POU2F1: variants seen among roughly 807,000 people sequenced by gnomAD.
The protein encoded by POU2F1 is POU domain, class 2, transcription factor 1.
POU2F1 carries 16 observed loss-of-function variants against 84.9 expected under a neutral mutation model. The observed-to-expected ratio is 0.19, with a 90% CI of 0.13 to 0.29. The LOEUF is 0.29. POU2F1 is among the 10% of genes least tolerant of loss of function. The pLI is 1.00. For missense variants in POU2F1, 738 were observed against 942.6 expected, an observed-to-expected ratio of 0.78 and a Z score of 2.84; for synonymous variants, 368 against 368.3, an observed-to-expected ratio of 1.00 and a Z score of 0.01.
Position 167,287,423 on chromosome 1 carries a change from A to G in POU2F1, c.62-45047A>G, listed in dbSNP as rs143178638. ...CTCCAGATTAAAGTTTTCCAATATT[A>G]GCCTGTAACCCAAAATGACAGAACC... On this transcript the variant is annotated intron_variant, in intron 1 of 15. Transcript: ENST00000367866. Among the ~76,000 whole-genome samples, 32 of 152,356 alleles carry G rather than the reference A, an allele frequency of 2.1e-4. No homozygotes were observed. In the East Asian group the frequency reaches 5.2e-3, roughly 25 times the overall value.
intron 1 of POU2F1, among the ~76,000 whole-genome samples, chr1:167,266,253 CT>C (rs1386013160): frequency 6.6e-6 from 1 of 152,172 alleles, no homozygotes. Context: ...GGAGCATACC[CT>C]TTAAATCTCC....
intron 1 of POU2F1, among the ~76,000 whole-genome samples, chr1:167,279,426 C>T (rs927271835): frequency 5.3e-5 from 8 of 152,268 alleles, no homozygotes; most frequent in Non-Finnish European, 8.8e-5. Context: ...GACCTACCCT[C>T]GCAATCCAGA....
intron 1 of POU2F1, among the ~76,000 whole-genome samples, chr1:167,320,489 G>A (rs1416099432): frequency 1.3e-5 from 2 of 152,224 alleles, no homozygotes; most frequent in African/African-American, 4.8e-5. Flanking sequence ...TCAGCTAAGT[G>A]AGTTTGCCAA....
At chr1:167,334,151 CTTTTTTTTT>C (rs57242474) in intron 2 of POU2F1, among the ~76,000 whole-genome samples, 912 of 66,846 alleles carry the variant, frequency 0.014, 6 homozygotes, top group South Asian at 0.028. Context: ...AACTACAACA[CTTTTTTTTT>C]TTTTTTTTTT....
intron 1 of POU2F1, among the ~76,000 whole-genome samples, chr1:167,313,936 C>T (rs924586440): frequency 8.6e-5 from 13 of 152,042 alleles, no homozygotes; most frequent in Non-Finnish European, 1.5e-4. Flanking sequence ...TTTTTTAGAA[C>T]ACCTGTAATC....
At chr1:167,381,644 T>G (rs1164061684) in intron 7 of POU2F1, among the ~76,000 whole-genome samples, 2 of 150,550 alleles carry the variant, frequency 1.3e-5, no homozygotes, top group Non-Finnish European at 3.0e-5. Flanking sequence ...AGAGTCTTGT[T>G]TTTTCACCCA....
Position 167,399,265 on chromosome 1 carries a change from T to G in POU2F1, c.1349T>G (p.Phe450Cys). 6.2e-7 allele frequency: 1 copy of G among 1,614,018 alleles called. No individual in the cohort carries two copies. The highest frequency in any genetic ancestry group is 8.5e-7 in the Non-Finnish European group (1 of 1,179,986). ...GAAAAAGAGGTGATTCGTGTTTGGTTCTGTAACCGCCGCCAGAAAGAAAAA... is the reference window on the plus strand; with the variant it reads ...GAAAAAGAGGTGATTCGTGTTTGGTGCTGTAACCGCCGCCAGAAAGAAAAA... ...NMEKEVIRVW[F>C]CNRRQKEKRI... The change falls in exon 12 of 16, where the codon TTC becomes TGC. Residue 450 changes from phenylalanine (F) to cysteine (C), a missense_variant. Around this residue, in one of 4 missense-constraint regions of POU2F1, gnomAD observed 95 missense variants for 195.1 expected, o/e 0.49. Coordinates refer to ENST00000367866, the MANE Select transcript of POU2F1 (RefSeq NM_002697.4).
intron 1 of POU2F1, among the ~76,000 whole-genome samples, chr1:167,272,348 C>T (rs956591494): frequency 3.6e-4 from 28 of 77,850 alleles, no homozygotes; most frequent in African/African-American, 6.2e-4. Flanking sequence ...TGGGAATGTT[C>T]TTACTCTGGT....
At chr1:167,414,596 A>T in intron 15 of POU2F1, 1 of 985,464 alleles carries the variant, frequency 1.0e-6, no homozygotes, top group Non-Finnish European at 1.2e-6. Flanking sequence ...AGTCTCGATT[A>T]TTTTAAATAA....
intron 1 of POU2F1, among the ~76,000 whole-genome samples, chr1:167,265,585 A>G (rs1048741844): frequency 7.2e-5 from 11 of 152,244 alleles, no homozygotes; most frequent in Non-Finnish European, 1.5e-4. Context: ...TTTAAAAATC[A>G]AACTTATGAG....
chr1:167,228,670 C>G (rs1281027063), intron 1 of POU2F1, among the ~76,000 whole-genome samples: 1 of 152,194 alleles, frequency 6.6e-6, no homozygotes, highest in Non-Finnish European at 1.5e-5. Context: ...CATGCATAGG[C>G]AATTACGTTT....
At chr1:167,338,307 T>C in intron 2 of POU2F1, 1 of 453,362 alleles carries the variant, frequency 2.2e-6, no homozygotes, top group South Asian at 1.6e-5. Context: ...TACTTTACTG[T>C]AAGAATACAG....
intron 9 of POU2F1, among the ~76,000 whole-genome samples, chr1:167,394,268 G>T (rs138024958): frequency 3.2e-4 from 49 of 152,122 alleles, no homozygotes; most frequent in African/African-American, 1.2e-3. Context: ...TAATCCACCC[G>T]CCTGGGCCTC....
chr1:167,318,687 A>AACTAGTGG (rs1341949884), intron 1 of POU2F1, among the ~76,000 whole-genome samples: 1 of 152,198 alleles, frequency 6.6e-6, no homozygotes, highest in Non-Finnish European at 1.5e-5. Flanking sequence ...GGGGGTAGGC[A>AACTAGTGG]ACTAGTGGCC....
intron 1 of POU2F1, among the ~76,000 whole-genome samples, chr1:167,322,777 G>A (rs1475703344): frequency 6.6e-6 from 1 of 152,210 alleles, no homozygotes; most frequent in East Asian, 1.9e-4. Flanking sequence ...CCAGTCATAA[G>A]CATTGTTTTT....
rs1444568310 is a variant in POU2F1, at chr1:167,387,403, G to C, written c.814-2185G>C. 5 of 340,232 alleles carry C rather than the reference G, an allele frequency of 1.5e-5. No homozygotes were observed. In the East Asian group the frequency reaches 3.8e-4, roughly 26 times the overall value. The allele number at this position is 340,232 out of a possible 1,614,324, so 21.1% of individuals were successfully genotyped here. ...TACATAGGGGTCTGCTATGGTTGGTGCTCGTTTTGGCTCCTCCAAAATGGT... is the reference window on the plus strand; with the variant it reads ...TACATAGGGGTCTGCTATGGTTGGTCCTCGTTTTGGCTCCTCCAAAATGGT... On this transcript the variant is annotated intron_variant, in intron 8 of 15. Coordinates refer to ENST00000367866, the MANE Select transcript of POU2F1 (RefSeq NM_002697.4).
intron 1 of POU2F1, among the ~76,000 whole-genome samples, chr1:167,307,955 C>T (rs970130649): frequency 9.9e-5 from 15 of 152,016 alleles, no homozygotes; most frequent in Non-Finnish European, 1.5e-5. Context: ...GGGTTTACCT[C>T]ATGGTTCCGC....
chr1:167,260,230 AT>A (rs1267309682), intron 1 of POU2F1, among the ~76,000 whole-genome samples: 3 of 152,222 alleles, frequency 2.0e-5, no homozygotes, highest in African/African-American at 7.2e-5. Context: ...TGTTAAAAAA[AT>A]CGTTACATCT....
chr1:167,248,478 G>A (rs1435912845), intron 1 of POU2F1, among the ~76,000 whole-genome samples: 1 of 152,118 alleles, frequency 6.6e-6, no homozygotes, highest in Admixed American at 6.5e-5. Context: ...GCAAGGAGCA[G>A]GAACAGATGA....
Sources: gnomAD v4.1 joint callset for allele counts (sites outside exome capture counted in the v4.1 genomes callset) on GRCh38, gnomAD v4.1.1 for gene constraint, gnomAD v4.1.1 regional missense constraint, MANE v1.5 for transcripts, NCBI Gene and HGNC (gene_info 2026-07-23, HGNC 2026-07-21) for gene names.